JAK2: variants seen among roughly 807,000 people sequenced by gnomAD.
JAK2 encodes the protein Janus kinase 2, also known as tyrosine-protein kinase JAK2.
In JAK2, 86 loss-of-function variants were observed where a neutral mutation model predicts 139.3. That is an observed-to-expected ratio of 0.62 (90% confidence interval 0.52 to 0.74). JAK2 has a LOEUF of 0.74. Among genes scored for constraint, JAK2 ranks in the 30% least tolerant of loss-of-function variants. The pLI is 0.00. For missense variants in JAK2, 1,421 were observed against 1,360.3 expected (o/e 1.04, Z -0.70); for synonymous variants, 490 against 437.7 (o/e 1.12, Z -1.49).
At chr9:5,095,494 A>G (rs115017168) in intron 22 of JAK2, among the ~76,000 whole-genome samples, 1,534 of 152,240 alleles carry the variant, frequency 0.01, 19 homozygotes, top group African/African-American at 0.035. Flanking sequence ...AATAAACACT[A>G]CTAATCAATT....
chr9:5,015,746 AT>A (rs1485756797), intron 2 of JAK2, among the ~76,000 whole-genome samples: 2 of 152,042 alleles, frequency 1.3e-5, no homozygotes, highest in Non-Finnish European at 2.9e-5. Context: ...GCATCAATGC[AT>A]TTTCTAAATG....
At chr9:5,085,767 G>C in intron 19 of JAK2, 1 of 754,156 alleles carries the variant, frequency 1.3e-6, no homozygotes, top group East Asian at 2.5e-5. Context: ...CACATGTCGG[G>C]AGTTATTATG....
At chr9:5,072,745 G>A in intron 13 of JAK2, 119 bp downstream of exon 13, 1 of 642,160 alleles carries the variant, frequency 1.6e-6, no homozygotes, top group Non-Finnish European at 2.3e-6. Context: ...ATGTGTCAAG[G>A]ACTTTTCTGA....
In JAK2 at chr9:5,054,614, T is replaced by C; in HGVS notation, c.666T>C (p.His222=). 1 of 1,612,474 alleles carries C rather than the reference T, an allele frequency of 6.2e-7. No individual in the cohort carries two copies. Among genetic ancestry groups the C allele is most frequent in the African/African-American group, 1.3e-5 (1 of 74,944 alleles). Residue 222 remains histidine, a synonymous_variant, in exon 7 of 25, where the codon CAT becomes CAC. Coordinates refer to ENST00000381652, the MANE Select transcript of JAK2 (RefSeq NM_004972.4). The surrounding 1 kb of genome is among the most constrained non-coding windows in gnomAD (Gnocchi z 4.9). ...TTCGAGCAAAGATCCAAGACTATCA[T>C]ATTTTGACAAGGAAGCGAATAAGGT... The part of the protein sequence containing the change: ...KCIRAKIQDY[H]ILTRKRIRYR...
intron 18 of JAK2, among the ~76,000 whole-genome samples, chr9:5,080,892 C>CTTTTTTT (rs33925764): frequency 1.2e-4 from 11 of 95,614 alleles, no homozygotes; most frequent in East Asian, 5.4e-4. Flanking sequence ...AAGACCTTTT[C>CTTTTTTT]TTTTTTTTTT....
chr9:5,129,433 C>T lies in JAK2; in HGVS notation c.*2642C>T, dbSNP rs1472723219. 6.6e-6 allele frequency among the ~76,000 whole-genome samples: 1 copy of T among 152,054 alleles called. No homozygotes were observed. Among genetic ancestry groups the T allele is most frequent in the East Asian group, 1.9e-4 (1 of 5,196 alleles). ...ACCACTGTATTGTCTTTAATGAACA[C>T]TGTTGTATCCCATCCTAATTCTTGT... is the stretch of plus-strand genomic sequence containing the variant. On this transcript the variant is annotated 3_prime_UTR_variant, in exon 25 of 25. Transcript: ENST00000381652.
chr9:5,020,666 T>C (rs1822359083), intron 2 of JAK2, among the ~76,000 whole-genome samples: 1 of 152,154 alleles, frequency 6.6e-6, no homozygotes, highest in South Asian at 2.1e-4. Flanking sequence ...GGCAGCAGCC[T>C]GCAATGGTGG....
intron 22 of JAK2, among the ~76,000 whole-genome samples, chr9:5,117,390 C>CT (rs541276936): frequency 8.7e-4 from 133 of 152,158 alleles, no homozygotes; most frequent in Non-Finnish European, 1.5e-3. Flanking sequence ...GATAGCTCTA[C>CT]TTTTGTTATA....
At chr9:5,104,173 T>A (rs1821762603) in intron 22 of JAK2, among the ~76,000 whole-genome samples, 1 of 151,750 alleles carries the variant, frequency 6.6e-6, no homozygotes, top group Non-Finnish European at 1.5e-5. Context: ...CTAGCAAGAC[T>A]AATAAAGAAG....
At chr9:5,069,887 G>A (rs770543092) in intron 11 of JAK2, 38 bp from the exon 12 acceptor site, 2 of 1,368,934 alleles carry the variant, frequency 1.5e-6, no homozygotes, top group South Asian at 1.4e-5. Flanking sequence ...TACTTTCAGT[G>A]TATTTTGAAG....
chr9:5,053,090 C>A (rs1817534007), intron 6 of JAK2, among the ~76,000 whole-genome samples: 1 of 152,016 alleles, frequency 6.6e-6, no homozygotes, highest in Admixed American at 6.5e-5. Context: ...AGCAGCTGTG[C>A]CACATTACAT....
chr9:5,027,189 T>C (rs1017931502), intron 3 of JAK2, among the ~76,000 whole-genome samples: 6 of 152,202 alleles, frequency 3.9e-5, no homozygotes, highest in African/African-American at 1.2e-4. Flanking sequence ...TCAGCAGTTA[T>C]ATTTTAAAAT....
At position 5,070,060 on chromosome 9, in the gene JAK2, AT is replaced by A; in HGVS notation, c.1641+10del. On this transcript the variant is annotated intron_variant, in intron 12 of 24. Coordinates refer to ENST00000381652, the MANE Select transcript of JAK2 (RefSeq NM_004972.4). Reference sequence around the variant, plus strand: ...AATGAAGATTTGATATTTGTAAGTCATTAGATACTCATTACTGTCTTTTTTG... The same window carrying A: ...AATGAAGATTTGATATTTGTAAGTCATAGATACTCATTACTGTCTTTTTTG... The A allele has an allele frequency of 6.3e-7, 1 of 1,589,242 alleles. No individual in the cohort carries two copies. The highest frequency in any genetic ancestry group is 8.6e-7 in the Non-Finnish European group (1 of 1,164,586).
intron 12 of JAK2, 33 bp downstream of exon 12, chr9:5,070,085 T>TAAAA: frequency 1.3e-6 from 2 of 1,512,944 alleles, no homozygotes; most frequent in Non-Finnish European, 1.8e-6. Flanking sequence ...CTGTCTTTTT[T>TAAAA]GTCCTTTTAA....
chr9:5,006,217 G>A (rs1025103277), intron 2 of JAK2, among the ~76,000 whole-genome samples: 11 of 152,120 alleles, frequency 7.2e-5, no homozygotes, highest in Admixed American at 5.9e-4. Context: ...CACATCCCTT[G>A]TAAGTTGGAT....
intron 12 of JAK2, among the ~76,000 whole-genome samples, chr9:5,071,246 T>G (rs560437266): frequency 2.6e-5 from 4 of 152,280 alleles, no homozygotes; most frequent in African/African-American, 9.6e-5. Flanking sequence ...TTCCCACAGA[T>G]AAAAGCATTG....
intron 8 of JAK2, 126 bp from the exon 9 acceptor site, chr9:5,064,757 G>T: frequency 1.7e-6 from 1 of 601,604 alleles, no homozygotes; most frequent in Non-Finnish European, 2.8e-6. Flanking sequence ...ATTGAGTACT[G>T]AGCCATAAAA....
chr9:5,046,928 A>AC (rs1056128501), intron 5 of JAK2, among the ~76,000 whole-genome samples: 84 of 152,318 alleles, frequency 5.5e-4, no homozygotes, highest in African/African-American at 1.9e-3. Context: ...CAAACTATTC[A>AC]TTCAGCTACT....
In JAK2 at chr9:5,021,972, C is replaced by G. The variant is rs1401255510; in HGVS notation, c.-16C>G. The G allele has an allele frequency of 6.3e-7, 1 of 1,587,318 alleles. No homozygotes were observed. The highest frequency in any genetic ancestry group is 8.6e-7 in the Non-Finnish European group (1 of 1,156,428). On this transcript the variant is annotated 5_prime_UTR_variant, in exon 3 of 25. Coordinates refer to ENST00000381652, the MANE Select transcript of JAK2 (RefSeq NM_004972.4). ...TTGTTTTCTCTTACAGGCAAATGTT[C>G]TGAAAAAGACTCTGCATGGGAATGG... is the stretch of plus-strand genomic sequence containing the variant.
Sources: gnomAD v4.1 joint callset for allele counts (sites outside exome capture counted in the v4.1 genomes callset) on GRCh38, gnomAD v4.1.1 for gene constraint, Gnocchi (gnomAD v3.1) non-coding constraint, MANE v1.5 for transcripts, NCBI Gene and HGNC (gene_info 2026-07-23, HGNC 2026-07-21) for gene names.